Variants in LIPE observed in about 807,000 individuals in gnomAD.
The protein encoded by LIPE is lipase E, hormone sensitive type.
A neutral mutation model predicts 88.5 loss-of-function variants in LIPE; 66 were observed. The observed-to-expected ratio is 0.75, with a 90% CI of 0.61 to 0.91. The LOEUF (loss-of-function observed/expected upper bound fraction) is 0.91. Ranked by LOEUF, LIPE falls within the 40% of genes least tolerant of loss-of-function variation. The pLI is 0.00. For synonymous variants in LIPE, 570 were observed against 617.5 expected (o/e 0.92, Z 1.14); for missense variants, 1,346 against 1,434.7 (o/e 0.94, Z 1.00).
chr19:42,423,719 C>T, intron 1 of LIPE: 8 of 1,132,288 alleles, frequency 7.1e-6, no homozygotes, highest in Non-Finnish European at 7.6e-6. Context: ...CCCCCAACCG[C>T]CAGAATTTAA....
intron 1 of LIPE, among the ~76,000 whole-genome samples, chr19:42,416,072 G>A (rs10407842): frequency 0.023 from 3,464 of 152,268 alleles, 134 homozygotes; most frequent in African/African-American, 0.076. Context: ...GCCGGGCATC[G>A]TGGCTCACGA....
chr19:42,402,466 G>T, intron 9 of LIPE, 141 bp downstream of exon 9: 1 of 714,226 alleles, frequency 1.4e-6, no homozygotes, highest in Non-Finnish European at 2.1e-6. Flanking sequence ...TCGGGGCATT[G>T]TTCTCCCCTG....
At chr19:42,404,432 T>C (rs1377739845) in intron 8 of LIPE, among the ~76,000 whole-genome samples, 1 of 152,182 alleles carries the variant, frequency 6.6e-6, no homozygotes, top group South Asian at 2.1e-4. Context: ...GGTTTCACCA[T>C]GTTGGTCAGG....
intron 1 of LIPE, chr19:42,423,533 C>A (rs1330130414): frequency 1.6e-6 from 2 of 1,253,232 alleles, no homozygotes; most frequent in Non-Finnish European, 2.1e-6. Context: ...CCGGCCAACT[C>A]CATCAATTCC....
chr19:42,407,400 G>A lies in LIPE; in HGVS notation c.1911C>T (p.Pro637=), dbSNP rs1218247762. 1.2e-6 allele frequency: 2 copies of A among 1,613,686 alleles called. No individual in the cohort carries two copies. The highest frequency in any genetic ancestry group is 1.7e-6 in the Non-Finnish European group (2 of 1,179,842). Reference sequence around the variant, plus strand: ...GGGACCGCGAGCGGGGTGCCTGCTGGGGGCGCGGCCACAGCTCCAGGCTCC... The same window carrying A: ...GGGACCGCGAGCGGGGTGCCTGCTGAGGGCGCGGCCACAGCTCCAGGCTCC... ...GQRSLELWPR[P]QQAPRSRSLI... The change falls in exon 6 of 10, where the codon CCC becomes CCT. Residue 637 remains proline (P), a synonymous_variant. Coordinates refer to ENST00000244289, the MANE Select transcript of LIPE (RefSeq NM_005357.4). The surrounding 1 kb of genome is among the most constrained non-coding windows in gnomAD (Gnocchi z 5.8).
chr19:42,412,955 C>T (rs974972159), intron 1 of LIPE, among the ~76,000 whole-genome samples: 2 of 152,220 alleles, frequency 1.3e-5, no homozygotes, highest in Admixed American at 6.5e-5. Context: ...AGCTGCCTGT[C>T]GGTCCTACTG....
Position 42,426,294 on chromosome 19 carries a change from GA to G in LIPE, c.855del (p.Arg286GlyfsTer22). The G allele has an allele frequency of 6.2e-7, 1 of 1,603,170 alleles. No homozygotes were observed. Among genetic ancestry groups the G allele is most frequent in the Non-Finnish European group, 8.5e-7 (1 of 1,170,872 alleles). On this transcript the variant is annotated frameshift_variant, in exon 1 of 10. Transcript: ENST00000244289. LOFTEE classifies it high-confidence loss of function. ...SGTSPHEKTS[A>X]RNHRHYQDTA... ...GTATCCTGGTAGTGTCTGTGATTCC[GA>G]GCACTGGTTTTCTCATGTGGCGACG...
rs150269772 is a variant in LIPE, at chr19:42,410,042, G to T, written c.1419+265C>A. ...GAGTGAATACATCTCTTGCATGTAGGACAATAGAGAGTAGTGGATATCCTG... is the reference window on the plus strand; with the variant it reads ...GAGTGAATACATCTCTTGCATGTAGTACAATAGAGAGTAGTGGATATCCTG... On this transcript the variant is annotated intron_variant, in intron 2 of 9. Transcript: ENST00000244289. This position sits in a 1 kb window ranked among gnomAD's most constrained non-coding sequence, Gnocchi z 6.1. Among the ~76,000 whole-genome samples the T allele has an allele frequency of 1.4e-4, 22 of 152,310 alleles. No individual in the cohort carries two copies. Among genetic ancestry groups the T allele is most frequent in the Non-Finnish European group, 2.8e-4 (19 of 68,024 alleles).
In LIPE at chr19:42,423,793, G is replaced by A. The variant is rs949882267; in HGVS notation, c.883+2474C>T. ...CGGCCAACAAAAAGGCAACCCCGGG[G>A]GTGGCGAAAAGCGTCCTTCGGGCAG... On this transcript the variant is annotated intron_variant, in intron 1 of 9. Transcript: ENST00000244289. The A allele has an allele frequency of 7.2e-6, 8 of 1,109,046 alleles. No homozygotes were observed. In the South Asian group the frequency reaches 1.2e-4, roughly 17 times the overall value. The allele number at this position is 1,109,046 out of a possible 1,614,324, so 68.7% of individuals were successfully genotyped here.
intron 1 of LIPE, chr19:42,424,317 C>G (rs769475418): frequency 1.8e-4 from 81 of 459,640 alleles, no homozygotes; most frequent in African/African-American, 1.6e-3. Flanking sequence ...TGGCGGGAAA[C>G]AGAGGAGGCT....
At chr19:42,420,432 C>T (rs1003429643) in intron 1 of LIPE, among the ~76,000 whole-genome samples, 2 of 152,118 alleles carry the variant, frequency 1.3e-5, no homozygotes, top group Non-Finnish European at 2.9e-5. Context: ...GTCTCTGTTT[C>T]TCTTGGCCTG....
rs779251623 is a variant in LIPE at position 42,410,571 on chromosome 19, C to T, written c.1155G>A (p.Ala385=). 6.8e-6 allele frequency: 11 copies of T among 1,612,702 alleles called. No individual in the cohort carries two copies. The highest frequency in any genetic ancestry group is 4.5e-5 in the East Asian group (2 of 44,890). Residue 385 remains alanine (A), a synonymous_variant, in exon 2 of 10, where the codon GCG becomes GCA. Transcript: ENST00000244289. The surrounding 1 kb of genome is among the most constrained non-coding windows in gnomAD (Gnocchi z 6.1). ...SLVHTARCCL[A]HLLHKSRYVA... ...CATAGCGGGATTTGTGCAGGAGGTG[C>T]GCCAGGCAGCAGCGGGCTGTGTGCA...
At chr19:42,425,959 G>C (rs965065057) in intron 1 of LIPE, among the ~76,000 whole-genome samples, 1 of 151,932 alleles carries the variant, frequency 6.6e-6, no homozygotes, top group Non-Finnish European at 1.5e-5. Context: ...CTGCCACCAC[G>C]CCTGGCTAAT....
intron 1 of LIPE, among the ~76,000 whole-genome samples, chr19:42,419,245 T>A (rs573533014): frequency 1.3e-5 from 2 of 152,116 alleles, no homozygotes; most frequent in African/African-American, 4.8e-5. Flanking sequence ...ACCATTGCAC[T>A]CCAGCCTCGG....
chr19:42,403,033 TGAGA>T lies in LIPE; in HGVS notation c.2543-6_2543-3del, dbSNP rs1273552688. ...CAGACACACTGCGGCGCATCGGCTC[TGAGA>T]GAGGGAGAGCAGATAGGCCTGGCTC... On this transcript the variant is annotated splice_polypyrimidine_tract_variant and splice_region_variant and intron_variant, in intron 8 of 9. Coordinates refer to ENST00000244289, the MANE Select transcript of LIPE (RefSeq NM_005357.4). The T allele has an allele frequency of 6.5e-7, 1 of 1,544,932 alleles. No homozygotes were observed. Among genetic ancestry groups the T allele is most frequent in the South Asian group, 1.2e-5 (1 of 84,514 alleles).
chr19:42,419,428 G>A (rs1310970404), intron 1 of LIPE, among the ~76,000 whole-genome samples: 1 of 152,206 alleles, frequency 6.6e-6, no homozygotes, highest in Non-Finnish European at 1.5e-5. Context: ...GCGGCTCCCC[G>A]AGGACTGGGC....
chr19:42,406,258 T>C lies in LIPE; in HGVS notation c.2268A>G (p.Thr756=), dbSNP rs2040179896. The C allele has an allele frequency of 6.2e-7, 1 of 1,613,868 alleles. No homozygotes were observed. ...PDGIMAAYPA[T]MLQPAASPSR... Reference sequence around the variant, plus strand: ...AGGGAGAGGCGGCAGGCTGCAGCATTGTGGCCGGGTAGGCTGCCATGATGC... The same window carrying C: ...AGGGAGAGGCGGCAGGCTGCAGCATCGTGGCCGGGTAGGCTGCCATGATGC... Residue 756 remains threonine, a synonymous_variant, in exon 7 of 10, where the codon ACA becomes ACG. Coordinates refer to ENST00000244289, the MANE Select transcript of LIPE (RefSeq NM_005357.4). This position sits in a 1 kb window ranked among gnomAD's most constrained non-coding sequence, Gnocchi z 5.7.
At chr19:42,418,981 T>C (rs547287442) in intron 1 of LIPE, among the ~76,000 whole-genome samples, 2 of 152,160 alleles carry the variant, frequency 1.3e-5, no homozygotes, top group Admixed American at 1.3e-4. Flanking sequence ...AGGGATCTTT[T>C]AAGATGAGGA....
At chr19:42,422,699 C>T (rs1224944054) in intron 1 of LIPE, among the ~76,000 whole-genome samples, 1 of 152,178 alleles carries the variant, frequency 6.6e-6, no homozygotes, top group Non-Finnish European at 1.5e-5. Flanking sequence ...GTCTGTCAGC[C>T]TTTGTTCCGC....
Sources: allele counts gnomAD v4.1 joint callset (sites outside exome capture counted in the v4.1 genomes callset), GRCh38; gene constraint gnomAD v4.1.1; non-coding constraint Gnocchi (gnomAD v3.1); transcripts MANE v1.5; gene names NCBI Gene and HGNC (gene_info 2026-07-23, HGNC 2026-07-21).